Variants in ADCY8 observed in about 807,000 individuals in gnomAD.
The protein encoded by ADCY8 is adenylate cyclase type 8.
Under a neutral mutation model 119.7 loss-of-function variants are expected in ADCY8, and 51 were observed. The ratio of observed to expected loss-of-function variants is 0.43; its 90% confidence interval spans 0.34 to 0.54. The LOEUF is 0.54. Ranked by LOEUF, ADCY8 falls within the 20% of genes least tolerant of loss-of-function variation. The pLI, the probability that ADCY8 is intolerant of heterozygous loss-of-function variation, is 0.03. For missense variants in ADCY8, 1,383 were observed against 1,598.8 expected, an observed-to-expected ratio of 0.87 and a Z score of 2.30; for synonymous variants, 665 against 651.0, an observed-to-expected ratio of 1.02 and a Z score of -0.33.
At chr8:130,789,870 A>G (rs1367311205) in intron 15 of ADCY8, among the ~76,000 whole-genome samples, 2 of 152,156 alleles carry the variant, frequency 1.3e-5, no homozygotes, top group Non-Finnish European at 2.9e-5. Context: ...ACTGACTCAG[A>G]AACTCTCGGG....
intron 1 of ADCY8, among the ~76,000 whole-genome samples, chr8:131,021,776 G>C (rs950292948): frequency 6.6e-6 from 1 of 152,120 alleles, no homozygotes; most frequent in Non-Finnish European, 1.5e-5. Flanking sequence ...ATGCTTGTAA[G>C]TTTTCTGAGG....
intron 2 of ADCY8, among the ~76,000 whole-genome samples, chr8:130,986,957 T>A (rs896659290): frequency 4.6e-5 from 7 of 152,196 alleles, no homozygotes. Context: ...ACGTATCTTG[T>A]CATCGGTATC....
At chr8:130,975,635 T>A (rs1250402629) in intron 2 of ADCY8, among the ~76,000 whole-genome samples, 1 of 152,214 alleles carries the variant, frequency 6.6e-6, no homozygotes, top group Non-Finnish European at 1.5e-5. Flanking sequence ...GCAGGCTGGA[T>A]TATTCCAATG....
At position 131,019,797 on chromosome 8, in the gene ADCY8, TTCTCTCTCTC is replaced by T. The variant is rs61010907; in HGVS notation, c.960+19567_960+19576del. Among the ~76,000 whole-genome samples the T allele has an allele frequency of 4.6e-3, 483 of 104,902 alleles. 1 individual carries two copies. The highest frequency in any genetic ancestry group is 6.5e-3 in the African/African-American group (169 of 26,102). 68.8% of individuals were successfully genotyped at this position (104,902 alleles called of 152,430 possible). ...AAAACCAGAAAACACATGGAACAAA[TTCTCTCTCTC>T]TCTCTCTCTCTCTCTCTCTCTCTCT... On this transcript the variant is annotated intron_variant, in intron 1 of 17. Coordinates refer to ENST00000286355, the MANE Select transcript of ADCY8 (RefSeq NM_001115.3).
intron 15 of ADCY8, among the ~76,000 whole-genome samples, chr8:130,788,313 A>C (rs1815321650): frequency 6.6e-6 from 1 of 152,242 alleles, no homozygotes; most frequent in Non-Finnish European, 1.5e-5. Flanking sequence ...TCAGCCATAA[A>C]AGAAGGAAAT....
chr8:130,818,477 A>G (rs1031710196), intron 13 of ADCY8, among the ~76,000 whole-genome samples: 6 of 152,212 alleles, frequency 3.9e-5, no homozygotes, highest in Non-Finnish European at 7.3e-5. Context: ...CCTGCCTCAG[A>G]GGAGGAAGTG....
Position 131,040,016 on chromosome 8 carries a change from G to A in ADCY8, c.318C>T (p.Thr106=). ...PGERAHSTCG[T]KVFPERSGSG... Reference sequence around the variant, plus strand: ...TCCCGCTGCGTTCCGGGAAGACTTTGGTGCCGCAGGTGCTGTGCGCTCGCT... The same window carrying A: ...TCCCGCTGCGTTCCGGGAAGACTTTAGTGCCGCAGGTGCTGTGCGCTCGCT... The change falls in exon 1 of 18, where the codon ACC becomes ACT. Residue 106 remains threonine (T), a synonymous_variant. Transcript: ENST00000286355. 6.4e-7 allele frequency: 1 copy of A among 1,556,190 alleles called. No individual in the cohort carries two copies. Among genetic ancestry groups the A allele is most frequent in the Non-Finnish European group, 8.7e-7 (1 of 1,153,522 alleles).
intron 1 of ADCY8, among the ~76,000 whole-genome samples, chr8:131,000,763 C>T (rs1346407282): frequency 6.6e-6 from 1 of 151,952 alleles, no homozygotes; most frequent in Non-Finnish European, 1.5e-5. Flanking sequence ...AATCCAGGCT[C>T]GCCACATGCA....
intron 1 of ADCY8, among the ~76,000 whole-genome samples, chr8:131,032,261 G>A (rs1431066018): frequency 6.6e-6 from 1 of 152,140 alleles, no homozygotes; most frequent in African/African-American, 2.4e-5. Context: ...TAATTTGGGG[G>A]AAGTTTGTGC....
intron 2 of ADCY8, among the ~76,000 whole-genome samples, chr8:130,981,535 C>T (rs1453546882): frequency 6.7e-6 from 1 of 150,010 alleles, no homozygotes; most frequent in East Asian, 1.9e-4. Flanking sequence ...AGATAAAAAG[C>T]CCCCACAGAG....
chr8:130,783,878 G>A, intron 16 of ADCY8, 73 bp from the exon 17 acceptor site: 1 of 1,243,582 alleles, frequency 8.0e-7, no homozygotes, highest in Non-Finnish European at 1.2e-6. Flanking sequence ...TGCAGCAGGG[G>A]CTTTACGTCC....
chr8:131,040,675 A>T lies in ADCY8; in HGVS notation c.-342T>A. 4.8e-6 allele frequency: 1 copy of T among 210,412 alleles called. No homozygotes were observed. The highest frequency in any genetic ancestry group is 9.3e-6 in the Non-Finnish European group (1 of 107,040). The allele number at this position is 210,412 out of a possible 1,614,324, so 13.0% of individuals were successfully genotyped here. ...TTCCTGGGCTCAGGCTCCTTGGTTG[A>T]TTCTAGGCTCAGCGTTTTGGCGCAG... On this transcript the variant is annotated 5_prime_UTR_variant, in exon 1 of 18. Transcript: ENST00000286355.
rs1816994169 is a variant in ADCY8 at position 130,836,546 on chromosome 8, G to GTTT, written c.2503-100_2503-98dup. The GTTT allele has an allele frequency of 3.4e-5, 45 of 1,339,996 alleles. No homozygotes were observed. In the East Asian group the frequency reaches 1.1e-3, roughly 32 times the overall value. The allele number at this position is 1,339,996 out of a possible 1,614,324, so 83.0% of individuals were successfully genotyped here. On this transcript the variant is annotated intron_variant, in intron 11 of 17. Transcript: ENST00000286355. ...TAGGTCTTACACACATTTGCAGAGA[G>GTTT]TTTCCATTTGGAGGTCTCAAGGCCT... is the stretch of plus-strand genomic sequence containing the variant.
In ADCY8 at chr8:130,836,539, G is replaced by A. The variant is rs148698235; in HGVS notation, c.2503-90C>T. 170 of 1,383,316 alleles carry A rather than the reference G, an allele frequency of 1.2e-4. No homozygotes were observed. In the East Asian group the frequency reaches 3.2e-3, roughly 26 times the overall value. The allele number at this position is 1,383,316 out of a possible 1,614,324, so 85.7% of individuals were successfully genotyped here. A position where few individuals can be genotyped will look rare whatever the true frequency, so the allele number is the denominator to read the frequency against. On this transcript the variant is annotated intron_variant, in intron 11 of 17. Coordinates refer to ENST00000286355, the MANE Select transcript of ADCY8 (RefSeq NM_001115.3). ...ATGCTAGTAGGTCTTACACACATTT[G>A]CAGAGAGTTTCCATTTGGAGGTCTC...
chr8:130,968,218 T>C (rs2130698929), intron 2 of ADCY8, among the ~76,000 whole-genome samples: 1 of 151,982 alleles, frequency 6.6e-6, no homozygotes, highest in African/African-American at 2.4e-5. Context: ...TCACCCAGGC[T>C]GGAGTGCAGT....
At chr8:130,975,946 TA>T (rs1487955158) in intron 2 of ADCY8, among the ~76,000 whole-genome samples, 1 of 152,166 alleles carries the variant, frequency 6.6e-6, no homozygotes, top group Non-Finnish European at 1.5e-5. Context: ...CAAAATCCCT[TA>T]AAATGCATGC....
Position 131,039,382 on chromosome 8 carries a change from T to G in ADCY8, c.952A>C (p.Ile318Leu). Residue 318 changes from isoleucine (I) to leucine (L), a missense_variant, in exon 1 of 18, where the codon ATC becomes CTC. By Grantham distance (5) the Ile-to-Leu change is conservative. This residue lies in a region of ADCY8 where 455 missense variants were observed against 435.3 expected (regional missense o/e 1.05). Transcript: ENST00000286355. ...AGGCAGGCAGGAGTTACCTGGTTGATGGAAATGACCGCCAGCCGGGGTATG... is the reference window on the plus strand; with the variant it reads ...AGGCAGGCAGGAGTTACCTGGTTGAGGGAAATGACCGCCAGCCGGGGTATG... The part of the protein sequence containing the change: ...VVIPRLAVIS[I>L]NQVVAQAVLF... 1 of 1,612,366 alleles carries G rather than the reference T, an allele frequency of 6.2e-7. No individual in the cohort carries two copies. The highest frequency in any genetic ancestry group is 8.5e-7 in the Non-Finnish European group (1 of 1,178,638).
chr8:130,984,831 T>C (rs1168364676), intron 2 of ADCY8, among the ~76,000 whole-genome samples: 2 of 152,146 alleles, frequency 1.3e-5, no homozygotes, highest in African/African-American at 2.4e-5. Flanking sequence ...TGGTGATATA[T>C]GTGGGACATG....
chr8:130,843,713 T>G (rs1817214781), intron 11 of ADCY8, among the ~76,000 whole-genome samples: 1 of 152,206 alleles, frequency 6.6e-6, no homozygotes, highest in South Asian at 2.1e-4. Flanking sequence ...TTAAATATTT[T>G]AAAACATAGA....
Sources: gnomAD v4.1 joint callset for allele counts (sites outside exome capture counted in the v4.1 genomes callset) on GRCh38, gnomAD v4.1.1 for gene constraint, gnomAD v4.1.1 regional missense constraint, MANE v1.5 for transcripts, NCBI Gene and HGNC (gene_info 2026-07-23, HGNC 2026-07-21) for gene names.